The following EXOC6 variants were observed in gnomAD, a reference collection of about 807,000 sequenced individuals.
EXOC6 encodes SEC15-like 1.
In EXOC6, 60 loss-of-function variants were observed where a neutral mutation model predicts 112.5. The observed-to-expected ratio is 0.53, with a 90% CI of 0.43 to 0.66. The LOEUF is 0.66. Ranked by LOEUF, EXOC6 falls within the 30% of genes least tolerant of loss-of-function variation. EXOC6 has a pLI of 0.00. For missense variants in EXOC6, 855 were observed against 957.1 expected, an observed-to-expected ratio of 0.89 and a Z score of 1.41; for synonymous variants, 295 against 308.0, an observed-to-expected ratio of 0.96 and a Z score of 0.44.
At chr10:92,960,891 T>C (rs1853958119) in intron 17 of EXOC6, among the ~76,000 whole-genome samples, 1 of 152,216 alleles carries the variant, frequency 6.6e-6, no homozygotes, top group Non-Finnish European at 1.5e-5. Context: ...TGGTATTCCA[T>C]GATAGAATTT....
At chr10:93,048,073 C>G (rs928959460) in intron 20 of EXOC6, among the ~76,000 whole-genome samples, 4 of 152,128 alleles carry the variant, frequency 2.6e-5, no homozygotes, top group Non-Finnish European at 5.9e-5. Flanking sequence ...AAGCTGAACT[C>G]TTACGTTCAG....
chr10:93,024,650 T>A (rs1026464933), intron 20 of EXOC6, among the ~76,000 whole-genome samples: 1 of 152,142 alleles, frequency 6.6e-6, no homozygotes, highest in African/African-American at 2.4e-5. Flanking sequence ...ACTCCTGACC[T>A]CAGGTGATCC....
chr10:92,849,333 T>G (rs557929048), intron 1 of EXOC6, among the ~76,000 whole-genome samples: 1 of 152,290 alleles, frequency 6.6e-6, no homozygotes, highest in Non-Finnish European at 1.5e-5. Flanking sequence ...TTACAAACAT[T>G]TCATTAAAAT....
chr10:93,026,997 C>G (rs1033738533), intron 20 of EXOC6, among the ~76,000 whole-genome samples: 8 of 152,228 alleles, frequency 5.3e-5, no homozygotes, highest in African/African-American at 1.9e-4. Context: ...GCCTCTTGCA[C>G]CAAACAGCCA....
At chr10:92,918,853 T>C (rs1219607405) in intron 7 of EXOC6, among the ~76,000 whole-genome samples, 1 of 152,206 alleles carries the variant, frequency 6.6e-6, no homozygotes, top group African/African-American at 2.4e-5. Flanking sequence ...TGTGTGTATA[T>C]ATGTGTATAT....
At chr10:92,899,878 C>A (rs1850062079) in intron 5 of EXOC6, 1 of 405,638 alleles carries the variant, frequency 2.5e-6, no homozygotes, top group Admixed American at 4.3e-5. Context: ...TGATCAAGTA[C>A]AAATAGCCGA....
intron 20 of EXOC6, among the ~76,000 whole-genome samples, chr10:93,016,851 C>T (rs1331618904): frequency 6.7e-6 from 1 of 150,370 alleles, no homozygotes; most frequent in East Asian, 2.0e-4. Context: ...TCGCTCTTGT[C>T]ACCAAAGCTG....
chr10:92,929,708 T>C (rs1017382348), intron 9 of EXOC6, among the ~76,000 whole-genome samples: 10 of 152,190 alleles, frequency 6.6e-5, no homozygotes, highest in African/African-American at 2.4e-4. Context: ...ACATATTAAC[T>C]GAAGTTAAAA....
At chr10:92,979,203 C>G (rs761596433) in intron 18 of EXOC6, among the ~76,000 whole-genome samples, 3 of 152,170 alleles carry the variant, frequency 2.0e-5, no homozygotes, top group Non-Finnish European at 2.9e-5. Flanking sequence ...CTCTGTCACC[C>G]AGGCTGGAGT....
rs139089115 is a variant in EXOC6 at position 92,880,037 on chromosome 10, C to T, written c.102-13312C>T. Among the ~76,000 whole-genome samples, 831 of 152,066 alleles carry T rather than the reference C, an allele frequency of 5.5e-3. 2 individuals are homozygous for T. Among genetic ancestry groups the T allele is most frequent in the Non-Finnish European group, 7.2e-3 (489 of 67,988 alleles). ...CATAATACTTAGTTGTTGATTAGGT[C>T]GAGTATGAGATTCACATCATATTTT... is the stretch of plus-strand genomic sequence containing the variant. On this transcript the variant is annotated intron_variant, in intron 1 of 21. Coordinates refer to ENST00000260762, the MANE Select transcript of EXOC6 (RefSeq NM_019053.6).
chr10:93,017,645 C>A (rs927022418), intron 20 of EXOC6, among the ~76,000 whole-genome samples: 1 of 152,014 alleles, frequency 6.6e-6, no homozygotes, highest in African/African-American at 2.4e-5. Flanking sequence ...GATGAATACA[C>A]TAAAATCTCA....
intron 20 of EXOC6, among the ~76,000 whole-genome samples, chr10:93,051,914 A>G (rs1186580676): frequency 6.6e-6 from 1 of 152,218 alleles, no homozygotes; most frequent in Non-Finnish European, 1.5e-5. Flanking sequence ...TCTGCAAAGC[A>G]ACTCTGAGGT....
intron 16 of EXOC6, 65 bp downstream of exon 16, chr10:92,954,806 C>T (rs897896086): frequency 3.0e-5 from 22 of 723,794 alleles, no homozygotes; most frequent in Non-Finnish European, 5.0e-5. Flanking sequence ...TAAATTATTG[C>T]TGAACGTCAT....
At chr10:92,971,971 G>C (rs1842319503) in intron 17 of EXOC6, among the ~76,000 whole-genome samples, 1 of 152,086 alleles carries the variant, frequency 6.6e-6, no homozygotes, top group Non-Finnish European at 1.5e-5. Flanking sequence ...TGTTTGTTTT[G>C]TGACCTTTCT....
chr10:92,864,785 A>G (rs1029262301), intron 1 of EXOC6, among the ~76,000 whole-genome samples: 4 of 152,214 alleles, frequency 2.6e-5, no homozygotes, highest in African/African-American at 9.6e-5. Flanking sequence ...TTACACGAGC[A>G]GCCCCCCTGG....
At chr10:92,977,379 A>G (rs973726405) in intron 18 of EXOC6, among the ~76,000 whole-genome samples, 5 of 152,162 alleles carry the variant, frequency 3.3e-5, no homozygotes, top group Admixed American at 2.0e-4. Context: ...AATTAATGGA[A>G]GACTATTTTA....
chr10:92,955,392 A>G lies in EXOC6; in HGVS notation c.1639-188A>G, dbSNP rs537241039. 1.9e-3 allele frequency among the ~76,000 whole-genome samples: 287 copies of G among 150,576 alleles called. 1 individual carries two copies. The highest frequency in any genetic ancestry group is 6.5e-3 in the African/African-American group (263 of 40,322). On this transcript the variant is annotated intron_variant, in intron 16 of 21. Coordinates refer to ENST00000260762, the MANE Select transcript of EXOC6 (RefSeq NM_019053.6). Reference sequence around the variant, plus strand: ...TTGGTGTGTGTGTGTGTGTGTGTATATATATATATATATAAATTCATACGC... The same window carrying G: ...TTGGTGTGTGTGTGTGTGTGTGTATGTATATATATATATAAATTCATACGC...
Position 92,893,528 on chromosome 10 carries a change from A to G in EXOC6, c.273+8A>G. 6.3e-7 allele frequency: 1 copy of G among 1,592,610 alleles called. No individual in the cohort carries two copies. Among genetic ancestry groups the G allele is most frequent in the South Asian group, 1.1e-5 (1 of 88,396 alleles). On this transcript the variant is annotated splice_region_variant and intron_variant, in intron 2 of 21. Transcript: ENST00000260762. ...GATGCAGAAAAACTGAAGGTAAGAA[A>G]TATGTTAAAATTATTTGCCTTTGTT... is the stretch of plus-strand genomic sequence containing the variant.
intron 19 of EXOC6, among the ~76,000 whole-genome samples, chr10:92,999,768 A>C (rs1193384392): frequency 6.6e-6 from 1 of 151,614 alleles, no homozygotes; most frequent in Non-Finnish European, 1.5e-5. Context: ...CAGTGGCACA[A>C]TCTTGGCTCA....
Sources: allele counts gnomAD v4.1 joint callset (sites outside exome capture counted in the v4.1 genomes callset), GRCh38; gene constraint gnomAD v4.1.1; transcripts MANE v1.5; gene names NCBI Gene and HGNC (gene_info 2026-07-23, HGNC 2026-07-21).